Variants in CYP24A1 observed in about 807,000 individuals in gnomAD.
CYP24A1 encodes 1,25-dihydroxyvitamin D(3) 24-hydroxylase, mitochondrial.
Under a neutral mutation model 62.4 loss-of-function variants are expected in CYP24A1, and 68 were observed. The observed-to-expected ratio is 1.09, with a 90% CI of 0.90 to 1.33. The LOEUF (loss-of-function observed/expected upper bound fraction) is 1.33, where lower values mean the gene tolerates loss of function less well. Among genes scored for constraint, CYP24A1 ranks in the 40% most tolerant of loss-of-function variants. CYP24A1 has a pLI of 0.00. For missense variants in CYP24A1, 787 were observed against 653.0 expected, an observed-to-expected ratio of 1.21 and a Z score of -2.24; for synonymous variants, 267 against 253.0, an observed-to-expected ratio of 1.06 and a Z score of -0.52.
rs774497530 is a variant in CYP24A1 at position 54,157,282 on chromosome 20, C to T, written c.1442G>A (p.Arg481His). ...QLHLALCWIV[R>H]KYDIQATDNE... ...GTCTGTGGCCTGGATGTCGTATTTG[C>T]GGACAATCTGTAATGCACACGCACA... Residue 481 changes from arginine to histidine, a missense_variant, in exon 11 of 12, where the codon CGC becomes CAC. By Grantham distance (29) the Arg-to-His change is conservative (BLOSUM62 0). Coordinates refer to ENST00000216862, the MANE Select transcript of CYP24A1 (RefSeq NM_000782.5). 9.4e-6 allele frequency: 15 copies of T among 1,602,978 alleles called. 1 individual carries two copies. The highest frequency in any genetic ancestry group is 3.3e-5 in the South Asian group (3 of 90,794).
chr20:54,158,332 G>C (rs1185777623), intron 8 of CYP24A1, among the ~76,000 whole-genome samples, 168 bp from the exon 9 acceptor site: 2 of 152,156 alleles, frequency 1.3e-5, no homozygotes, highest in African/African-American at 4.8e-5. Context: ...CTCAATAATT[G>C]TATCTCTTGT....
rs1568976309 is a variant in CYP24A1 at position 54,173,219 on chromosome 20, A to C, written c.258+103T>G. 7 of 1,518,374 alleles carry C rather than the reference A, an allele frequency of 4.6e-6. No homozygotes were observed. Among genetic ancestry groups the C allele is most frequent in the Non-Finnish European group, 6.4e-6 (7 of 1,102,346 alleles). 94.1% of individuals were successfully genotyped at this position (1,518,374 alleles called of 1,614,324 possible). On this transcript the variant is annotated intron_variant, in intron 1 of 11. Coordinates refer to ENST00000216862, the MANE Select transcript of CYP24A1 (RefSeq NM_000782.5). The surrounding 1 kb of genome is among the most constrained non-coding windows in gnomAD (Gnocchi z 7.2). ...GGGGACCCTCCCTGCCCAGACGCCG[A>C]AGCGCACCATGCGCCCGAGGCGCGC...
chr20:54,171,648 C>A lies in CYP24A1; in HGVS notation c.472G>T (p.Val158Phe), dbSNP rs757355477. The change falls in exon 3 of 12, where the codon GTC (valine) becomes TTC (phenylalanine). Residue 158 changes from valine to phenylalanine, a missense_variant. Transcript: ENST00000216862. ...LILEGEDWQRVRSAFQKKLMK... is the reference protein window; with the variant it reads ...LILEGEDWQRFRSAFQKKLMK... ...AGTTTCTTTTGAAAGGCACTCCGGA[C>A]CCGCTGCCAGTCTTCCCCTTCCCTG... The A allele has an allele frequency of 1.2e-6, 2 of 1,613,860 alleles. No homozygotes were observed. Among genetic ancestry groups the A allele is most frequent in the Admixed American group, 1.7e-5 (1 of 59,998 alleles).
In CYP24A1 at chr20:54,162,488, C is replaced by G. The variant is rs531507922; in HGVS notation, c.990+229G>C. The stretch of plus-strand genomic sequence containing the variant: ...TACCCAGAGTTTAAGCACAGAAGCC[C>G]GTGCATGGAGGCACCGTGGCGTCTG... On this transcript the variant is annotated intron_variant, in intron 7 of 11. Coordinates refer to ENST00000216862, the MANE Select transcript of CYP24A1 (RefSeq NM_000782.5). The G allele has an allele frequency of 9.7e-4, 327 of 337,482 alleles. 4 individuals carry two copies. In the South Asian group the frequency reaches 0.01, roughly 10 times the overall value. 20.9% of individuals were successfully genotyped at this position (337,482 alleles called of 1,614,324 possible). A position where few individuals can be genotyped will look rare whatever the true frequency, so the allele number is the denominator to read the frequency against.
At position 54,157,512 on chromosome 20, in the gene CYP24A1, G is replaced by T. The variant is rs753140812; in HGVS notation, c.1310C>A (p.Pro437His). 21 of 1,595,896 alleles carry T rather than the reference G, an allele frequency of 1.3e-5. No homozygotes were observed. The East Asian group carries it at 4.7e-4, about 36-fold the overall frequency. ...TTCCTTCTCCTGAAGCCAACGTTCA[G>T]GTCTAAACTGACTTGAATCTTCAAA... ...DNFEDSSQFR[P>H]ERWLQEKEKI... Residue 437 changes from proline to histidine, a missense_variant, in exon 10 of 12, where the codon CCT (proline) becomes CAT (histidine). Physicochemically the swap from Pro to His is moderately conservative, Grantham distance 77 (BLOSUM62 -2). Transcript: ENST00000216862.
At chr20:54,169,792 C>T in intron 3 of CYP24A1, 104 bp from the exon 4 acceptor site, 1 of 1,563,210 alleles carries the variant, frequency 6.4e-7, no homozygotes. Flanking sequence ...ATCGCATATT[C>T]ACTGGCCATA....
At chr20:54,145,460 C>T in the CYP24A1 span, among the ~76,000 whole-genome samples, 22 of 151,960 alleles carry the variant, frequency 1.4e-4, no homozygotes, top group African/African-American at 4.1e-4. Context: ...GGTAACATAG[C>T]GAAACCCCAT....
In CYP24A1 at chr20:54,173,800, C is replaced by T; in HGVS notation, c.-221G>A. 1 of 590,490 alleles carries T rather than the reference C, an allele frequency of 1.7e-6. No homozygotes were observed. 36.6% of individuals were successfully genotyped at this position (590,490 alleles called of 1,614,324 possible). A position where few individuals can be genotyped will look rare whatever the true frequency, so the allele number is the denominator to read the frequency against. On this transcript the variant is annotated 5_prime_UTR_variant, in exon 1 of 12. Coordinates refer to ENST00000216862, the MANE Select transcript of CYP24A1 (RefSeq NM_000782.5). The surrounding 1 kb of genome is among the most constrained non-coding windows in gnomAD (Gnocchi z 7.2). ...CGACAGCCTCAGAGCATTGGTGCCT[C>T]CTTGCACTGGCCGCAGGGGCTGGAA...
At chr20:54,168,299 A>G (rs1281462928) in intron 4 of CYP24A1, among the ~76,000 whole-genome samples, 1 of 152,134 alleles carries the variant, frequency 6.6e-6, no homozygotes, top group Non-Finnish European at 1.5e-5. Flanking sequence ...TTTCCAGAGT[A>G]ATCTTTGAAG....
chr20:54,151,792 A>G (rs980128017), downstream of CYP24A1, among the ~76,000 whole-genome samples: 1 of 152,066 alleles, frequency 6.6e-6, no homozygotes, highest in African/African-American at 2.4e-5. Context: ...CCGGGAACCA[A>G]TCTATCTTTG....
At chr20:54,169,481 C>A (rs1568973703) in intron 4 of CYP24A1, 111 bp downstream of exon 4, 2 of 1,574,290 alleles carry the variant, frequency 1.3e-6, no homozygotes, top group East Asian at 4.7e-5. Context: ...CTGCTCTGGC[C>A]TTTCCCTAGG....
intron 5 of CYP24A1, 46 bp downstream of exon 5, chr20:54,165,696 G>A (rs768500847): frequency 2.1e-6 from 2 of 960,048 alleles, no homozygotes; most frequent in Non-Finnish European, 3.4e-6. Flanking sequence ...AAATCGATCT[G>A]TAAAACATCA....
intron 3 of CYP24A1, 138 bp from the exon 4 acceptor site, chr20:54,169,826 C>G: frequency 6.6e-7 from 1 of 1,519,658 alleles, no homozygotes; most frequent in Non-Finnish European, 8.8e-7. Flanking sequence ...TGAAGTCACA[C>G]TAATTATATA....
intron 6 of CYP24A1, 47 bp from the exon 7 acceptor site, chr20:54,162,909 T>C (rs758868434): frequency 8.3e-7 from 1 of 1,201,396 alleles, no homozygotes; most frequent in Non-Finnish European, 1.2e-6. Flanking sequence ...AAAATTGGGA[T>C]GAGGAAAATC....
intron 4 of CYP24A1, 144 bp downstream of exon 4, chr20:54,169,448 A>C: frequency 6.6e-7 from 1 of 1,517,940 alleles, no homozygotes; most frequent in Non-Finnish European, 8.8e-7. Flanking sequence ...TAACTTAAGC[A>C]CCTAAAAGAA....
intron 6 of CYP24A1, 97 bp from the exon 7 acceptor site, chr20:54,162,959 CTAAA>C (rs1478824034): frequency 3.1e-5 from 24 of 772,682 alleles, no homozygotes; most frequent in Admixed American, 1.7e-5. Context: ...CTTGCAATAT[CTAAA>C]TAGTCTTTTC....
Position 54,167,668 on chromosome 20 carries a change from G to A in CYP24A1, c.641-1835C>T, listed in dbSNP as rs572499636. Among the ~76,000 whole-genome samples the A allele has an allele frequency of 5.3e-5, 8 of 152,258 alleles. No individual in the cohort carries two copies. In the South Asian group the frequency reaches 1.7e-3, roughly 32 times the overall value. On this transcript the variant is annotated intron_variant, in intron 4 of 11. Transcript: ENST00000216862. Reference sequence around the variant, plus strand: ...TGCACCTGTAGTCCCAGCTGCTCAGGATGCTGAGGCAGGAGAATCGCTTGA... The same window carrying A: ...TGCACCTGTAGTCCCAGCTGCTCAGAATGCTGAGGCAGGAGAATCGCTTGA...
At chr20:54,148,894 C>T (rs773621798), downstream of CYP24A1, among the ~76,000 whole-genome samples, 2 of 152,124 alleles carry the variant, frequency 1.3e-5, no homozygotes, top group South Asian at 2.1e-4. Context: ...ATCACAAGGT[C>T]GAGAGATCGA....
chr20:54,159,128 A>C lies in CYP24A1; in HGVS notation c.991-5T>G, dbSNP rs1321224079. The C allele has an allele frequency of 6.2e-7, 1 of 1,610,420 alleles. No individual in the cohort carries two copies. The highest frequency in any genetic ancestry group is 1.1e-5 in the South Asian group (1 of 91,000). ...CCACATTAGACTGTTTGCTGTCTGC[A>C]AGCCAAATGGACATAAACTTGAGTT... On this transcript the variant is annotated splice_region_variant and splice_polypyrimidine_tract_variant and intron_variant, in intron 7 of 11. Coordinates refer to ENST00000216862, the MANE Select transcript of CYP24A1 (RefSeq NM_000782.5).
Sources: gnomAD v4.1 joint callset for allele counts (sites outside exome capture counted in the v4.1 genomes callset) on GRCh38, gnomAD v4.1.1 for gene constraint, Gnocchi (gnomAD v3.1) non-coding constraint, MANE v1.5 for transcripts, NCBI Gene and HGNC (gene_info 2026-07-23, HGNC 2026-07-21) for gene names.